Variants in EIF4ENIF1 observed in about 807,000 individuals in gnomAD.
EIF4ENIF1 encodes the protein eukaryotic translation initiation factor 4E nuclear import factor 1, also known as eukaryotic translation initiation factor 4E transporter.
A neutral mutation model predicts 110.5 loss-of-function variants in EIF4ENIF1; 23 were observed. The observed-to-expected ratio is 0.21, with a 90% CI of 0.15 to 0.29. EIF4ENIF1 has a LOEUF of 0.29. Ranked by LOEUF, EIF4ENIF1 falls within the 10% of genes least tolerant of loss-of-function variation. The pLI is 1.00. For synonymous variants in EIF4ENIF1, 440 were observed against 437.0 expected (o/e 1.01, Z -0.09); for missense variants, 1,031 against 1,221.1 (o/e 0.84, Z 2.32).
Position 31,449,329 on chromosome 22 carries a change from G to T in EIF4ENIF1, c.1768+19C>A. 6.2e-7 allele frequency: 1 copy of T among 1,609,432 alleles called. No homozygotes were observed. The highest frequency in any genetic ancestry group is 1.1e-5 in the South Asian group (1 of 90,622). ...CTGGCCATAAATTCATATTTCTTTTGACAAATAAGTATATTTACCAATTGG... is the reference window on the plus strand; with the variant it reads ...CTGGCCATAAATTCATATTTCTTTTTACAAATAAGTATATTTACCAATTGG... On this transcript the variant is annotated intron_variant, in intron 12 of 18. Coordinates refer to ENST00000330125, the MANE Select transcript of EIF4ENIF1 (RefSeq NM_019843.4).
chr22:31,478,162 T>C (rs1282423960), intron 2 of EIF4ENIF1, among the ~76,000 whole-genome samples: 1 of 152,170 alleles, frequency 6.6e-6, no homozygotes, highest in Non-Finnish European at 1.5e-5. Context: ...CTTAAGGTGG[T>C]ATCCCAGCAC....
intron 4 of EIF4ENIF1, among the ~76,000 whole-genome samples, chr22:31,466,989 A>G (rs889028359): frequency 1.3e-5 from 2 of 152,198 alleles, no homozygotes; most frequent in Non-Finnish European, 2.9e-5. Context: ...TTTTTTCCAA[A>G]CACAGGATAC....
Position 31,477,368 on chromosome 22 carries a change from AAAAAAACAAAAAAAAC to A in EIF4ENIF1, c.97-5467_97-5452del, listed in dbSNP as rs1327348104. 1.4e-3 allele frequency among the ~76,000 whole-genome samples: 180 copies of A among 133,232 alleles called. 9 individuals carry two copies. The highest frequency in any genetic ancestry group is 4.6e-3 in the African/African-American group (167 of 36,312). The allele number at this position is 133,232 out of a possible 152,430, so 87.4% of individuals were successfully genotyped here. A position where few individuals can be genotyped will look rare whatever the true frequency, so the allele number is the denominator to read the frequency against. ...AAGACCTCTGTCTCCAAAAAAAAAA[AAAAAAACAAAAAAAAC>A]AAAAAAAGAGAATTTGAAATTGAGA... is the stretch of plus-strand genomic sequence containing the variant. On this transcript the variant is annotated intron_variant, in intron 2 of 18. Coordinates refer to ENST00000330125, the MANE Select transcript of EIF4ENIF1 (RefSeq NM_019843.4).
chr22:31,440,166 GTT>G, intron 18 of EIF4ENIF1, 45 bp from the exon 19 acceptor site: 2 of 1,613,668 alleles, frequency 1.2e-6, no homozygotes, highest in Non-Finnish European at 1.7e-6. Flanking sequence ...GAGAAGGAAA[GTT>G]TATTAGACCC....
intron 15 of EIF4ENIF1, 50 bp downstream of exon 15, chr22:31,444,556 C>T: frequency 6.3e-7 from 1 of 1,577,578 alleles, no homozygotes; most frequent in Non-Finnish European, 8.7e-7. Flanking sequence ...CATGCACAAC[C>T]AAACAGGGAG....
intron 10 of EIF4ENIF1, among the ~76,000 whole-genome samples, chr22:31,452,642 T>C (rs2050708748): frequency 6.6e-6 from 1 of 152,202 alleles, no homozygotes; most frequent in Non-Finnish European, 1.5e-5. Context: ...AACCACACCA[T>C]TGCAGTCAGC....
chr22:31,492,007 G>C (rs1436449439), upstream of EIF4ENIF1, among the ~76,000 whole-genome samples: 1 of 152,188 alleles, frequency 6.6e-6, no homozygotes, highest in Non-Finnish European at 1.5e-5. Flanking sequence ...CAGCACCAGT[G>C]GGGGCAGCCC....
At chr22:31,452,609 A>T (rs1023124468) in intron 10 of EIF4ENIF1, among the ~76,000 whole-genome samples, 1 of 152,200 alleles carries the variant, frequency 6.6e-6, no homozygotes, top group Non-Finnish European at 1.5e-5. Context: ...ACACCAAAAG[A>T]AAGAAGCTAA....
intron 9 of EIF4ENIF1, 30 bp from the exon 10 acceptor site, chr22:31,454,406 C>T: frequency 6.3e-7 from 1 of 1,583,952 alleles, no homozygotes; most frequent in East Asian, 2.2e-5. Flanking sequence ...CAGGTTAAAT[C>T]AAGCAAAGAG....
chr22:31,482,849 C>T (rs2051872069), intron 2 of EIF4ENIF1, among the ~76,000 whole-genome samples: 2 of 150,914 alleles, frequency 1.3e-5, no homozygotes, highest in Admixed American at 6.6e-5. Context: ...TGGTGAAACC[C>T]CATCTCTACT....
intron 14 of EIF4ENIF1, among the ~76,000 whole-genome samples, chr22:31,445,335 T>TG (rs1399456482): frequency 6.6e-6 from 1 of 151,690 alleles, no homozygotes; most frequent in Non-Finnish European, 1.5e-5. Context: ...GGACCACTCT[T>TG]GGTCTACACA....
intron 4 of EIF4ENIF1, 76 bp downstream of exon 4, chr22:31,468,099 A>T: frequency 6.4e-7 from 1 of 1,554,770 alleles, no homozygotes; most frequent in Middle Eastern, 1.7e-4. Flanking sequence ...AAATTCTCAG[A>T]GCTAAGAATG....
Position 31,443,005 on chromosome 22 carries a change from T to C in EIF4ENIF1, c.2163A>G (p.Ala721=). The change falls in exon 16 of 19, where the codon GCA becomes GCG. Residue 721 remains alanine (A), a synonymous_variant. Coordinates refer to ENST00000330125, the MANE Select transcript of EIF4ENIF1 (RefSeq NM_019843.4). ...KSKEEPASGK[A]ALGDSKEDTQ... The stretch of plus-strand genomic sequence containing the variant: ...TATCCTCTTTACTGTCACCAAGAGC[T>C]GCTTTTCCAGATGCTGGCTCCTCCT... 1 of 1,614,172 alleles carries C rather than the reference T, an allele frequency of 6.2e-7. No homozygotes were observed. Among genetic ancestry groups the C allele is most frequent in the Non-Finnish European group, 8.5e-7 (1 of 1,180,006 alleles).
At chr22:31,452,533 T>C (rs2050704595) in intron 10 of EIF4ENIF1, among the ~76,000 whole-genome samples, 1 of 152,194 alleles carries the variant, frequency 6.6e-6, no homozygotes, top group Non-Finnish European at 1.5e-5. Flanking sequence ...GAATCATATC[T>C]GCAATAAAAT....
chr22:31,487,316 T>C (rs949525103), intron 2 of EIF4ENIF1, among the ~76,000 whole-genome samples: 2 of 152,222 alleles, frequency 1.3e-5, no homozygotes, highest in Admixed American at 6.5e-5. Context: ...AAGAACACTT[T>C]ACACCTGAAA....
chr22:31,440,202 AG>A (rs1050529823), intron 18 of EIF4ENIF1, 81 bp from the exon 19 acceptor site: 3 of 1,599,572 alleles, frequency 1.9e-6, no homozygotes, highest in Non-Finnish European at 2.6e-6. Flanking sequence ...CCCTATCCAA[AG>A]AAAAGTCTTT....
rs2051085062 is a variant in EIF4ENIF1, at chr22:31,463,926, G to C, written c.340C>G (p.Leu114Val). 6.2e-7 allele frequency: 1 copy of C among 1,613,888 alleles called. No homozygotes were observed. Among genetic ancestry groups the C allele is most frequent in the Non-Finnish European group, 8.5e-7 (1 of 1,180,040 alleles). Residue 114 changes from leucine to valine, a missense_variant, in exon 5 of 19, where the codon CTC becomes GTC. This residue lies in a region of EIF4ENIF1 where 704 missense variants were observed against 879.7 expected (regional missense o/e 0.80). Coordinates refer to ENST00000330125, the MANE Select transcript of EIF4ENIF1 (RefSeq NM_019843.4). ...CCAAAGCTCCGTCTCTGAGGGCTGA[G>C]AACAACATCTAAGTCATCTTCTTTC... Reference protein sequence around the residue: ...RVKEDDLDVVLSPQRRSFGGG... With the variant: ...RVKEDDLDVVVSPQRRSFGGG...
At chr22:31,465,707 G>C (rs1262123911) in intron 4 of EIF4ENIF1, among the ~76,000 whole-genome samples, 1 of 152,180 alleles carries the variant, frequency 6.6e-6, no homozygotes, top group African/African-American at 2.4e-5. Flanking sequence ...TATGTCCAGA[G>C]ACTTGTACAT....
At chr22:31,452,757 T>C (rs770009840) in intron 10 of EIF4ENIF1, among the ~76,000 whole-genome samples, 1 of 152,320 alleles carries the variant, frequency 6.6e-6, no homozygotes, top group Non-Finnish European at 1.5e-5. Flanking sequence ...TAATTCTTTG[T>C]ATAAAAGTAA....
Sources: allele counts gnomAD v4.1 joint callset (sites outside exome capture counted in the v4.1 genomes callset), GRCh38; gene constraint gnomAD v4.1.1; regional missense constraint gnomAD v4.1.1; transcripts MANE v1.5; gene names NCBI Gene and HGNC (gene_info 2026-07-23, HGNC 2026-07-21).